Variants in RHBG observed in about 807,000 individuals in gnomAD.
RHBG encodes Rh family B glycoprotein, also known as ammonium transporter Rh type B.
Under a neutral mutation model 40.1 loss-of-function variants are expected in RHBG, and 39 were observed. That is an observed-to-expected ratio of 0.97 (90% CI 0.75 to 1.27). The LOEUF (loss-of-function observed/expected upper bound fraction) is 1.27, where lower values mean the gene tolerates loss of function less well. Ranked by LOEUF, RHBG falls within the 50% of genes most tolerant of loss-of-function variation. The pLI, the probability that RHBG is intolerant of heterozygous loss-of-function variation, is 0.00. For missense variants in RHBG, 549 were observed against 588.1 expected, an observed-to-expected ratio of 0.93 and a Z score of 0.69; for synonymous variants, 237 against 252.5, an observed-to-expected ratio of 0.94 and a Z score of 0.58.
chr1:156,377,532 G>A lies in RHBG; in HGVS notation c.374+45G>A. The A allele has an allele frequency of 6.3e-7, 1 of 1,575,828 alleles. No homozygotes were observed. The highest frequency in any genetic ancestry group is 8.7e-7 in the Non-Finnish European group (1 of 1,153,716). ...CCAGCTCCCCAAGGTTCACTCGGGA[G>A]GCCCCTGCCCATGGGCCCCGGATCT... On this transcript the variant is annotated intron_variant, in intron 2 of 9. Coordinates refer to ENST00000537040, the MANE Select transcript of RHBG (RefSeq NM_020407.5). This position sits in a 1 kb window ranked among gnomAD's most constrained non-coding sequence, Gnocchi z 4.6.
At chr1:156,383,083 G>C (rs557653222) in intron 8 of RHBG, among the ~76,000 whole-genome samples, 3 of 152,196 alleles carry the variant, frequency 2.0e-5, no homozygotes, top group Non-Finnish European at 2.9e-5. Context: ...GAGTCCGCGA[G>C]GGGTGAGCGA....
chr1:156,371,882 T>C (rs965721286), intron 1 of RHBG: 3 of 152,268 alleles, frequency 2.0e-5, no homozygotes, highest in South Asian at 2.1e-4. Context: ...CATCCCTGAA[T>C]TGCAATAAGA....
At chr1:156,370,353 G>A (rs573525212) in intron 1 of RHBG, among the ~76,000 whole-genome samples, 52 of 152,002 alleles carry the variant, frequency 3.4e-4, no homozygotes, top group Non-Finnish European at 6.5e-4. Context: ...GGAGGCTGAG[G>A]CAGGAGAATC....
At chr1:156,380,243 TGG>T in intron 4 of RHBG, among the ~76,000 whole-genome samples, 1 of 151,636 alleles carries the variant, frequency 6.6e-6, no homozygotes, top group Non-Finnish European at 1.5e-5. Context: ...CCTGAGGAGC[TGG>T]GATTACAGGA....
rs1299655670 is a variant in RHBG at position 156,377,400 on chromosome 1, T to C, written c.287T>C (p.Leu96Pro). ...AGCAGCGTGGGCTTCACCTTCCTCC[T>C]GGCCGCCTTTGCCCTGCAGTGGTCC... ...GFSSVGFTFL[L>P]AAFALQWSTL... Residue 96 changes from leucine to proline, a missense_variant, in exon 2 of 10, where the codon CTG (leucine) becomes CCG (proline). Transcript: ENST00000537040. This position sits in a 1 kb window ranked among gnomAD's most constrained non-coding sequence, Gnocchi z 4.6. 6.2e-7 allele frequency: 1 copy of C among 1,614,238 alleles called. No homozygotes were observed. Among genetic ancestry groups the C allele is most frequent in the Admixed American group, 1.7e-5 (1 of 60,032 alleles).
Position 156,382,202 on chromosome 1 carries a change from G to T in RHBG, c.1112+1G>T. The T allele has an allele frequency of 6.2e-7, 1 of 1,614,134 alleles. No homozygotes were observed. Among genetic ancestry groups the T allele is most frequent in the Non-Finnish European group, 8.5e-7 (1 of 1,180,026 alleles). On this transcript the variant is annotated splice_donor_variant, in intron 7 of 9. Coordinates refer to ENST00000537040, the MANE Select transcript of RHBG (RefSeq NM_020407.5). LOFTEE classifies it high-confidence loss of function. ...CCACCCATGAAGCTTACGGAGATGG[G>T]TGAGTTTCCTCCCAACCCGTACTGC...
rs908283953 is a variant in RHBG, at chr1:156,381,802, T to C, written c.841-4T>C. On this transcript the variant is annotated splice_polypyrimidine_tract_variant and splice_region_variant and intron_variant, in intron 5 of 9. Transcript: ENST00000537040. The stretch of plus-strand genomic sequence containing the variant: ...GGGCCTCCAACACCTTGCTCTTCCC[T>C]TAGGTCCACATCCAAAATGCAGCGC... 1.3e-6 allele frequency: 2 copies of C among 1,582,770 alleles called. No individual in the cohort carries two copies. Among genetic ancestry groups the C allele is most frequent in the African/African-American group, 2.8e-5 (2 of 72,438 alleles).
intron 8 of RHBG, among the ~76,000 whole-genome samples, chr1:156,383,515 ATCC>A (rs1667818100): frequency 6.6e-6 from 1 of 152,040 alleles, no homozygotes; most frequent in Admixed American, 6.6e-5. Context: ...ACCTTAGGTG[ATCC>A]GCCCGCCTCG....
At chr1:156,372,953 G>A (rs568771517) in intron 1 of RHBG, among the ~76,000 whole-genome samples, 1 of 152,106 alleles carries the variant, frequency 6.6e-6, no homozygotes, top group East Asian at 1.9e-4. Flanking sequence ...CACCACGCCC[G>A]GCCAGACTTA....
chr1:156,372,170 C>T (rs1666901303), intron 1 of RHBG, among the ~76,000 whole-genome samples: 1 of 152,184 alleles, frequency 6.6e-6, no homozygotes, highest in African/African-American at 2.4e-5. Context: ...CATGGCTAGT[C>T]TGAGGGTCCG....
chr1:156,381,688 G>T, intron 5 of RHBG, 118 bp from the exon 6 acceptor site: 1 of 1,428,810 alleles, frequency 7.0e-7, no homozygotes, highest in Non-Finnish European at 9.5e-7. Flanking sequence ...GCAGGACAAT[G>T]AGAGGTTAGA....
chr1:156,371,551 A>G (rs1222952305), intron 1 of RHBG: 1 of 164,232 alleles, frequency 6.1e-6, no homozygotes, highest in Non-Finnish European at 1.3e-5. Context: ...TCAAAATGCT[A>G]AGGATATAGA....
Position 156,382,883 on chromosome 1 carries a change from G to C in RHBG, c.1234+14G>C. ...GGGGCCTTGGAGGTGAGTAACCTTG[G>C]ATTTTCTAGAGGAAGGGGCATGGGA... On this transcript the variant is annotated intron_variant, in intron 8 of 9. Coordinates refer to ENST00000537040, the MANE Select transcript of RHBG (RefSeq NM_020407.5). The C allele has an allele frequency of 6.2e-7, 1 of 1,614,206 alleles. No homozygotes were observed. Among genetic ancestry groups the C allele is most frequent in the African/African-American group, 1.3e-5 (1 of 75,064 alleles).
At position 156,385,093 on chromosome 1, in the gene RHBG, A is replaced by G. The variant is rs994965234; in HGVS notation, c.*248A>G. Reference sequence around the variant, plus strand: ...ACCAGATGCCCAACCCGACTGCCCTACCAGCCTGCACATGGGTAGAAGAGG... The same window carrying G: ...ACCAGATGCCCAACCCGACTGCCCTGCCAGCCTGCACATGGGTAGAAGAGG... On this transcript the variant is annotated 3_prime_UTR_variant, in exon 10 of 10. Coordinates refer to ENST00000537040, the MANE Select transcript of RHBG (RefSeq NM_020407.5). 269 of 452,560 alleles carry G rather than the reference A, an allele frequency of 5.9e-4. 1 individual carries two copies. The highest frequency in any genetic ancestry group is 5.6e-4 in the Non-Finnish European group (138 of 247,420). The allele number at this position is 452,560 out of a possible 1,614,324, so 28.0% of individuals were successfully genotyped here. A position where few individuals can be genotyped will look rare whatever the true frequency, so the allele number is the denominator to read the frequency against.
Position 156,377,432 on chromosome 1 carries a change from G to C in RHBG, c.319G>C (p.Val107Leu). 6.2e-7 allele frequency: 1 copy of C among 1,614,062 alleles called. No homozygotes were observed. Among genetic ancestry groups the C allele is most frequent in the Non-Finnish European group, 8.5e-7 (1 of 1,179,930 alleles). The part of the protein sequence containing the change: ...AAFALQWSTL[V>L]QGFLHSFHGG... Reference sequence around the variant, plus strand: ...CTTTGCCCTGCAGTGGTCCACACTGGTCCAGGGCTTTCTCCACTCCTTCCA... The same window carrying C: ...CTTTGCCCTGCAGTGGTCCACACTGCTCCAGGGCTTTCTCCACTCCTTCCA... The change falls in exon 2 of 10, where the codon GTC becomes CTC. Residue 107 changes from valine to leucine, a missense_variant. Physicochemically the swap from Val to Leu is conservative, Grantham distance 32. Transcript: ENST00000537040. This position sits in a 1 kb window ranked among gnomAD's most constrained non-coding sequence, Gnocchi z 4.6.
rs377197491 is a variant in RHBG, at chr1:156,378,173, G to T, written c.525+33G>T. On this transcript the variant is annotated intron_variant, in intron 3 of 9. Transcript: ENST00000537040. ...TCTGGGGAGGGATGGAGTCGGGGGT[G>T]GGGGGTGGTCAAGGTCAGCCTCTGA... The T allele has an allele frequency of 1.0e-5, 16 of 1,594,534 alleles. No individual in the cohort carries two copies. In the Admixed American group the frequency reaches 1.0e-4, roughly 10 times the overall value.
intron 1 of RHBG, chr1:156,374,520 A>G: frequency 5.1e-6 from 2 of 390,720 alleles, no homozygotes; most frequent in South Asian, 3.8e-5. Flanking sequence ...TTAACTTTCC[A>G]TTCCTGGCTT....
At position 156,378,038 on chromosome 1, in the gene RHBG, T is replaced by C. The variant is rs1208025208; in HGVS notation, c.423T>C (p.Gly141=). ...FCAGAVLISF[G]AVLGKTGPTQ... is the part of the protein sequence containing the mutation. ...CGGGGGCCGTGCTCATCTCCTTTGG[T>C]GCCGTCCTGGGCAAGACCGGGCCTA... The change falls in exon 3 of 10, where the codon GGT becomes GGC. Residue 141 remains glycine, a synonymous_variant. Coordinates refer to ENST00000537040, the MANE Select transcript of RHBG (RefSeq NM_020407.5). The C allele has an allele frequency of 6.9e-6, 11 of 1,583,292 alleles. No homozygotes were observed. The highest frequency in any genetic ancestry group is 9.5e-6 in the Non-Finnish European group (11 of 1,163,958).
chr1:156,382,970 C>A, intron 8 of RHBG, 101 bp downstream of exon 8: 2 of 1,536,474 alleles, frequency 1.3e-6, no homozygotes, highest in African/African-American at 1.4e-5. Flanking sequence ...TACTTTGTGC[C>A]ATAAAGTAGG....
Sources: gnomAD v4.1 joint callset for allele counts (sites outside exome capture counted in the v4.1 genomes callset) on GRCh38, gnomAD v4.1.1 for gene constraint, Gnocchi (gnomAD v3.1) non-coding constraint, MANE v1.5 for transcripts, NCBI Gene and HGNC (gene_info 2026-07-23, HGNC 2026-07-21) for gene names.